Variants in PTPRD observed in about 807,000 individuals in gnomAD.
PTPRD encodes protein tyrosine phosphatase receptor type D.
In PTPRD, 34 loss-of-function variants were observed where a neutral mutation model predicts 214.5. That is an observed-to-expected ratio of 0.16 (90% CI 0.12 to 0.21). PTPRD has a LOEUF of 0.21. PTPRD is among the 10% of genes least tolerant of loss of function. The pLI is 1.00. For synonymous variants in PTPRD, 1,128 were observed against 845.7 expected (o/e 1.33, Z -5.79); for missense variants, 2,545 against 2,398.7 (o/e 1.06, Z -1.27).
intron 2 of PTPRD, among the ~76,000 whole-genome samples, chr9:10,415,763 A>G (rs1187261150): frequency 6.6e-6 from 1 of 151,908 alleles, no homozygotes; most frequent in Non-Finnish European, 1.5e-5. Context: ...GACAGATCAG[A>G]GAAAGAGGAG....
At chr9:10,235,396 G>A (rs988447067) in intron 3 of PTPRD, among the ~76,000 whole-genome samples, 6 of 151,930 alleles carry the variant, frequency 3.9e-5, no homozygotes, top group South Asian at 2.1e-4. Context: ...AAATTCCCTC[G>A]TCGCGCATCA....
At chr9:8,779,315 G>T (rs2095604133) in intron 11 of PTPRD, among the ~76,000 whole-genome samples, 1 of 151,806 alleles carries the variant, frequency 6.6e-6, no homozygotes, top group African/African-American at 2.4e-5. Context: ...ATTAACCAAG[G>T]CAACCAAGTA....
intron 11 of PTPRD, among the ~76,000 whole-genome samples, chr9:8,898,046 T>G (rs965478213): frequency 6.6e-6 from 1 of 152,160 alleles, no homozygotes; most frequent in African/African-American, 2.4e-5. Flanking sequence ...TTAACCTTCT[T>G]CCACTCTTCC....
intron 44 of PTPRD, among the ~76,000 whole-genome samples, chr9:8,320,308 C>G (rs879578107): frequency 6.6e-6 from 1 of 152,048 alleles, no homozygotes; most frequent in Non-Finnish European, 1.5e-5. Flanking sequence ...AAATTTACAA[C>G]CTGCCTACTT....
intron 7 of PTPRD, among the ~76,000 whole-genome samples, chr9:9,645,948 A>G (rs1334418689): frequency 1.3e-5 from 2 of 152,054 alleles, no homozygotes; most frequent in African/African-American, 4.8e-5. Flanking sequence ...TTGGGGGTAC[A>G]TATGATATTT....
chr9:8,727,257 C>T (rs139525474), intron 12 of PTPRD, among the ~76,000 whole-genome samples: 122 of 152,302 alleles, frequency 8.0e-4, no homozygotes, highest in African/African-American at 2.7e-3. Context: ...ATAAAAAATG[C>T]TTTGAAATGT....
At chr9:10,133,908 A>T (rs932610937) in intron 3 of PTPRD, among the ~76,000 whole-genome samples, 5 of 152,142 alleles carry the variant, frequency 3.3e-5, no homozygotes, top group African/African-American at 1.2e-4. Context: ...TACTTTTTTC[A>T]TATATCACAG....
At chr9:8,990,966 A>G (rs540520960) in intron 11 of PTPRD, among the ~76,000 whole-genome samples, 2 of 152,056 alleles carry the variant, frequency 1.3e-5, no homozygotes, top group South Asian at 2.1e-4. Flanking sequence ...TGTAGTCCCA[A>G]CACTTTGGGA....
At chr9:8,617,256 G>A (rs759326655) in intron 14 of PTPRD, among the ~76,000 whole-genome samples, 57 of 152,090 alleles carry the variant, frequency 3.7e-4, no homozygotes, top group Non-Finnish European at 7.6e-4. Context: ...AGATGGGAAA[G>A]AAGGCTGGGA....
intron 5 of PTPRD, among the ~76,000 whole-genome samples, chr9:9,912,629 G>A (rs2079529387): frequency 6.6e-6 from 1 of 152,172 alleles, no homozygotes; most frequent in Non-Finnish European, 1.5e-5. Flanking sequence ...CCTGACACGT[G>A]AGTTTGCATC....
chr9:8,991,614 C>T (rs991644877), intron 11 of PTPRD, among the ~76,000 whole-genome samples: 1 of 152,038 alleles, frequency 6.6e-6, no homozygotes, highest in African/African-American at 2.4e-5. Context: ...AGATTTGCCA[C>T]AAAATGGATC....
intron 10 of PTPRD, among the ~76,000 whole-genome samples, chr9:9,107,045 T>C (rs888906442): frequency 6.6e-6 from 1 of 152,182 alleles, no homozygotes; most frequent in Non-Finnish European, 1.5e-5. Flanking sequence ...TTTAAGATTT[T>C]TATGTCTGAT....
intron 14 of PTPRD, among the ~76,000 whole-genome samples, chr9:8,543,287 G>A (rs1424319227): frequency 1.3e-5 from 2 of 152,172 alleles, no homozygotes; most frequent in Non-Finnish European, 1.5e-5. Flanking sequence ...TCTTAACAAA[G>A]TGACAGCAAA....
intron 8 of PTPRD, among the ~76,000 whole-genome samples, chr9:9,439,396 C>G (rs2086626569): frequency 6.6e-6 from 1 of 152,100 alleles, no homozygotes; most frequent in East Asian, 1.9e-4. Flanking sequence ...TAGGTCTTAT[C>G]TAACAATTTA....
At chr9:8,829,976 C>T (rs2097255679) in intron 11 of PTPRD, among the ~76,000 whole-genome samples, 1 of 152,116 alleles carries the variant, frequency 6.6e-6, no homozygotes, top group Admixed American at 6.5e-5. Flanking sequence ...ACAGACCTTT[C>T]AGAAAATATT....
intron 4 of PTPRD, among the ~76,000 whole-genome samples, chr9:10,002,803 G>A (rs1326925253): frequency 6.7e-6 from 1 of 149,954 alleles, no homozygotes; most frequent in African/African-American, 2.4e-5. Flanking sequence ...AAAAAAAAAA[G>A]ACTTCAATAA....
chr9:9,311,531 C>T (rs1371148073), intron 9 of PTPRD, among the ~76,000 whole-genome samples: 1 of 152,080 alleles, frequency 6.6e-6, no homozygotes. Context: ...ACAGGATTCT[C>T]CCCAAAACCC....
At chr9:10,240,675 T>TA (rs1235710695) in intron 3 of PTPRD, among the ~76,000 whole-genome samples, 1 of 151,926 alleles carries the variant, frequency 6.6e-6, no homozygotes, top group Non-Finnish European at 1.5e-5. Flanking sequence ...GTTAATTTTT[T>TA]AAATTGATTA....
intron 35 of PTPRD, among the ~76,000 whole-genome samples, chr9:8,410,736 A>G (rs2093444233): frequency 6.6e-6 from 1 of 152,192 alleles, no homozygotes; most frequent in Non-Finnish European, 1.5e-5. Context: ...ATAAGTGATA[A>G]AATGCATCAG....
Sources: allele counts gnomAD v4.1 joint callset (sites outside exome capture counted in the v4.1 genomes callset), GRCh38; gene constraint gnomAD v4.1.1; transcripts MANE v1.5; gene names NCBI Gene and HGNC (gene_info 2026-07-23, HGNC 2026-07-21).